Variants in BFSP1 observed in about 807,000 individuals in gnomAD.
BFSP1 encodes the protein beaded filament structural protein 1.
A neutral mutation model predicts 43.9 loss-of-function variants in BFSP1; 38 were observed. The ratio of observed to expected loss-of-function variants is 0.87; its 90% CI spans 0.67 to 1.14. BFSP1 has a LOEUF of 1.14. BFSP1 is among the 50% of genes most tolerant of loss of function. The pLI, the probability that BFSP1 is intolerant of heterozygous loss-of-function variation, is 0.00. For missense variants in BFSP1, 850 were observed against 875.1 expected (o/e 0.97, Z 0.36); for synonymous variants, 352 against 354.8 (o/e 0.99, Z 0.09).
chr20:17,511,859 G>T lies in BFSP1; in HGVS notation c.627+117C>A. 4.1e-6 allele frequency: 3 copies of T among 725,550 alleles called. No individual in the cohort carries two copies. The Admixed American group carries it at 7.5e-5, about 18-fold the overall frequency. The allele number at this position is 725,550 out of a possible 1,614,324, so 44.9% of individuals were successfully genotyped here. Reference sequence around the variant, plus strand: ...CTTCAGATGAGAATACAAGGCAGGAGTGGGGAGTGGACCCTGGTGGCCGCC... The same window carrying T: ...CTTCAGATGAGAATACAAGGCAGGATTGGGGAGTGGACCCTGGTGGCCGCC... On this transcript the variant is annotated intron_variant, in intron 4 of 7. Coordinates refer to ENST00000377873, the MANE Select transcript of BFSP1 (RefSeq NM_001195.5).
chr20:17,529,284 C>T (rs1034923351), intron 1 of BFSP1, among the ~76,000 whole-genome samples: 3 of 152,218 alleles, frequency 2.0e-5, no homozygotes, highest in African/African-American at 7.2e-5. Flanking sequence ...CAATGTTGGC[C>T]AGGCTGGTCT....
At chr20:17,530,499 T>C (rs2034510462) in intron 1 of BFSP1, among the ~76,000 whole-genome samples, 1 of 152,224 alleles carries the variant, frequency 6.6e-6, no homozygotes, top group Admixed American at 6.5e-5. Flanking sequence ...TGTGGAACTG[T>C]AGAATAGGCA....
At chr20:17,518,173 G>T (rs2034242037) in intron 2 of BFSP1, among the ~76,000 whole-genome samples, 2 of 152,296 alleles carry the variant, frequency 1.3e-5, no homozygotes, top group Admixed American at 6.5e-5. Flanking sequence ...GTTTTTGGGG[G>T]TTTTTGTTTT....
At chr20:17,520,295 C>CA (rs1568696605) in intron 2 of BFSP1, among the ~76,000 whole-genome samples, 1 of 149,388 alleles carries the variant, frequency 6.7e-6, no homozygotes, top group Non-Finnish European at 1.5e-5. Context: ...TATTTACAGC[C>CA]ATGTTTTTAG....
At chr20:17,497,625 C>CATATATCT (rs1305742761) in intron 6 of BFSP1, among the ~76,000 whole-genome samples, 3 of 146,638 alleles carry the variant, frequency 2.0e-5, no homozygotes, top group South Asian at 2.1e-4. Flanking sequence ...TACATATACA[C>CATATATCT]ACACATATAT....
chr20:17,502,455 T>A (rs926244984), intron 5 of BFSP1, among the ~76,000 whole-genome samples: 1 of 152,162 alleles, frequency 6.6e-6, no homozygotes, highest in Non-Finnish European at 1.5e-5. Context: ...CTGGGGACCA[T>A]CCCAGTATGG....
chr20:17,562,141 C>T (rs1201718068), upstream of BFSP1, among the ~76,000 whole-genome samples: 2 of 151,746 alleles, frequency 1.3e-5, no homozygotes, highest in Admixed American at 6.6e-5. Flanking sequence ...AGACTGGTCT[C>T]GAACTCCTGA....
At chr20:17,540,986 GCTT>G (rs1431387607) in intron 1 of BFSP1, 1 of 152,250 alleles carries the variant, frequency 6.6e-6, no homozygotes, top group African/African-American at 2.4e-5. Context: ...ACTAGTTAAA[GCTT>G]CTGACACAAA....
intron 1 of BFSP1, among the ~76,000 whole-genome samples, chr20:17,545,830 T>C (rs937134782): frequency 2.0e-5 from 3 of 152,260 alleles, no homozygotes; most frequent in African/African-American, 7.2e-5. Flanking sequence ...CATTTTGTCA[T>C]GCTGTCGGCC....
intron 5 of BFSP1, 53 bp downstream of exon 5, chr20:17,508,836 C>A: frequency 6.9e-7 from 1 of 1,451,926 alleles, no homozygotes; most frequent in Non-Finnish European, 9.2e-7. Flanking sequence ...CGCGTAACAC[C>A]TCCATGAAAC....
upstream of BFSP1, among the ~76,000 whole-genome samples, chr20:17,534,578 A>G (rs1206905676): frequency 6.6e-6 from 1 of 152,234 alleles, no homozygotes; most frequent in Admixed American, 6.5e-5. Flanking sequence ...ACCATAAGGA[A>G]TCATCCAGAT....
At chr20:17,519,974 C>T (rs2034282647) in intron 2 of BFSP1, among the ~76,000 whole-genome samples, 1 of 152,176 alleles carries the variant, frequency 6.6e-6, no homozygotes, top group Non-Finnish European at 1.5e-5. Context: ...AAAAGCTTCA[C>T]CAGCAGAATC....
At chr20:17,539,467 A>G (rs982550033) in intron 1 of BFSP1, among the ~76,000 whole-genome samples, 19 of 151,968 alleles carry the variant, frequency 1.3e-4, no homozygotes, top group African/African-American at 4.6e-4. Flanking sequence ...TTGAACATAC[A>G]TTTGGGGGCT....
upstream of BFSP1, among the ~76,000 whole-genome samples, chr20:17,561,096 T>C (rs1286534484): frequency 6.6e-6 from 1 of 152,226 alleles, no homozygotes; most frequent in African/African-American, 2.4e-5. Flanking sequence ...ACTCATTTCA[T>C]CTATCCTTAA....
At chr20:17,500,262 CAGAA>C (rs960421884) in intron 5 of BFSP1, among the ~76,000 whole-genome samples, 1 of 152,144 alleles carries the variant, frequency 6.6e-6, no homozygotes, top group Non-Finnish European at 1.5e-5. Context: ...GGGAGGAAAA[CAGAA>C]AGAGATAGTT....
chr20:17,568,894 AAATT>A (rs1445297553), intron 1 of BFSP1, among the ~76,000 whole-genome samples: 1 of 152,174 alleles, frequency 6.6e-6, no homozygotes, highest in African/African-American at 2.4e-5. Flanking sequence ...TCGGTAACCT[AAATT>A]AATTTATAAA....
chr20:17,513,077 A>C (rs904998573), intron 3 of BFSP1, among the ~76,000 whole-genome samples: 14 of 152,262 alleles, frequency 9.2e-5, no homozygotes, highest in African/African-American at 2.4e-4. Flanking sequence ...ACAGCACAGG[A>C]GTACAAAAGA....
intron 1 of BFSP1, among the ~76,000 whole-genome samples, chr20:17,527,204 A>T (rs528602431): frequency 7.5e-4 from 115 of 152,396 alleles, no homozygotes; most frequent in Non-Finnish European, 1.2e-3. Context: ...TCAGGATGTT[A>T]CATTTAGTAG....
chr20:17,529,331 C>A (rs1204441417), intron 1 of BFSP1, among the ~76,000 whole-genome samples: 8 of 152,358 alleles, frequency 5.3e-5, no homozygotes, highest in Admixed American at 3.9e-4. Context: ...CTGCCTTGGC[C>A]TCCCAAAGTG....
Sources: gnomAD v4.1 joint callset for allele counts (sites outside exome capture counted in the v4.1 genomes callset) on GRCh38, gnomAD v4.1.1 for gene constraint, MANE v1.5 for transcripts, NCBI Gene and HGNC (gene_info 2026-07-23, HGNC 2026-07-21) for gene names.